Variants in NUCB2 observed in about 807,000 individuals in gnomAD.
NUCB2 encodes nucleobindin 2, also known as nucleobindin-2.
Under a neutral mutation model 57.9 loss-of-function variants are expected in NUCB2, and 48 were observed. The ratio of observed to expected loss-of-function variants is 0.83; its 90% CI spans 0.66 to 1.05. The LOEUF is 1.05. Ranked by LOEUF, NUCB2 falls within the 50% of genes least tolerant of loss-of-function variation. The pLI is 0.00. For synonymous variants in NUCB2, 139 were observed against 152.1 expected (o/e 0.91, Z 0.64); for missense variants, 442 against 476.2 (o/e 0.93, Z 0.67).
chr11:17,308,632 G>A (rs917002163), intron 5 of NUCB2, among the ~76,000 whole-genome samples: 1 of 152,120 alleles, frequency 6.6e-6, no homozygotes, highest in Non-Finnish European at 1.5e-5. Context: ...TGTCTTGTAT[G>A]TATATCCACT....
intron 13 of NUCB2, 78 bp from the exon 14 acceptor site, chr11:17,331,334 G>A (rs1457279485): frequency 1.3e-6 from 1 of 767,340 alleles, no homozygotes; most frequent in Non-Finnish European, 2.0e-6. Context: ...TTTAAAACAA[G>A]TATATTTGTA....
intron 2 of NUCB2, among the ~76,000 whole-genome samples, chr11:17,346,601 T>C (rs1358315683): frequency 6.6e-6 from 1 of 152,240 alleles, no homozygotes; most frequent in Non-Finnish European, 1.5e-5. Flanking sequence ...GATGTTGGTA[T>C]AGTGGAAAGT....
At chr11:17,304,430 G>A (rs1947288999) in intron 5 of NUCB2, among the ~76,000 whole-genome samples, 1 of 152,114 alleles carries the variant, frequency 6.6e-6, no homozygotes, top group Non-Finnish European at 1.5e-5. Context: ...CTGACCTCAG[G>A]TGATCCACCT....
At chr11:17,313,630 A>G (rs1214244529) in intron 10 of NUCB2, among the ~76,000 whole-genome samples, 2 of 151,992 alleles carry the variant, frequency 1.3e-5, no homozygotes, top group African/African-American at 2.4e-5. Flanking sequence ...GGAGTTGTCT[A>G]TTCTTCCTCT....
At chr11:17,295,112 T>A (rs1002122555) in intron 2 of NUCB2, among the ~76,000 whole-genome samples, 1 of 152,178 alleles carries the variant, frequency 6.6e-6, no homozygotes, top group South Asian at 2.1e-4. Context: ...TAATTTTGGC[T>A]ACAAAAACAT....
intron 11 of NUCB2, among the ~76,000 whole-genome samples, chr11:17,322,584 A>T (rs1040676035): frequency 2.1e-4 from 32 of 152,096 alleles, no homozygotes; most frequent in Non-Finnish European, 8.8e-5. Context: ...GTAGTTTCAC[A>T]TACATTTTAG....
chr11:17,331,282 A>T lies in NUCB2; in HGVS notation c.1256-130A>T, dbSNP rs935475926. 5.8e-6 allele frequency: 3 copies of T among 516,744 alleles called. No homozygotes were observed. In the African/African-American group the frequency reaches 6.0e-5, roughly 10 times the overall value. The allele number at this position is 516,744 out of a possible 1,614,324, so 32.0% of individuals were successfully genotyped here. On this transcript the variant is annotated intron_variant, in intron 13 of 13. Coordinates refer to ENST00000529010, the MANE Select transcript of NUCB2 (RefSeq NM_005013.4). ...AATTATATTAATCTTACCAGAGAAT[A>T]TGTTTTTTAAAATTGTGATCTATGA...
intron 11 of NUCB2, among the ~76,000 whole-genome samples, chr11:17,329,239 C>T (rs1039959001): frequency 3.9e-5 from 6 of 152,230 alleles, no homozygotes; most frequent in African/African-American, 1.2e-4. Flanking sequence ...ACAAGCTGCA[C>T]TGCCTGAGGT....
At chr11:17,291,376 G>A (rs535558328) in intron 2 of NUCB2, 88 of 176,660 alleles carry the variant, frequency 5.0e-4, no homozygotes, top group East Asian at 5.5e-4. Flanking sequence ...GTAAAATCCT[G>A]TCTCTACTAA....
intron 2 of NUCB2, among the ~76,000 whole-genome samples, chr11:17,340,257 T>C (rs577343990): frequency 5.0e-4 from 76 of 152,354 alleles, no homozygotes; most frequent in Admixed American, 1.2e-3. Context: ...TAGCCCTTTG[T>C]CAGATGAGTA....
intron 4 of NUCB2, among the ~76,000 whole-genome samples, chr11:17,299,854 T>C (rs554156279): frequency 5.5e-4 from 84 of 152,140 alleles, no homozygotes; most frequent in African/African-American, 1.9e-3. Context: ...CAGTGAGCCA[T>C]GATCATGCTA....
Position 17,301,762 on chromosome 11 carries a change from G to C in NUCB2, c.271G>C (p.Glu91Gln), listed in dbSNP as rs767768972. The C allele has an allele frequency of 8.1e-6, 13 of 1,609,140 alleles. No individual in the cohort carries two copies. Among genetic ancestry groups the C allele is most frequent in the Non-Finnish European group, 1.0e-5 (12 of 1,175,614 alleles). The change falls in exon 5 of 14, where the codon GAA (glutamate) becomes CAA (glutamine). Residue 91 changes from glutamate to glutamine, a missense_variant. Coordinates refer to ENST00000529010, the MANE Select transcript of NUCB2 (RefSeq NM_005013.4). ...TTAACAGAGTGGGAGGCTAAGCAAA[G>C]AACTGGATTTAGTAAGTCACCATGT... Reference protein sequence around the residue: ...EEIKSGRLSKELDLVSHHVRT... With the variant: ...EEIKSGRLSKQLDLVSHHVRT...
At chr11:17,301,440 C>T (rs1946730972) in intron 4 of NUCB2, among the ~76,000 whole-genome samples, 1 of 151,000 alleles carries the variant, frequency 6.6e-6, no homozygotes, top group South Asian at 2.1e-4. Flanking sequence ...TCACCATGCC[C>T]AGCTAATTTT....
intron 2 of NUCB2, among the ~76,000 whole-genome samples, chr11:17,339,103 T>A (rs1290148317): frequency 6.6e-6 from 1 of 152,172 alleles, no homozygotes; most frequent in Non-Finnish European, 1.5e-5. Context: ...TTCTCCTGCC[T>A]CAGTCTCCTG....
chr11:17,311,216 G>A lies in NUCB2; in HGVS notation c.693G>A (p.Glu231=), dbSNP rs1274051444. 1 of 1,605,668 alleles carries A rather than the reference G, an allele frequency of 6.2e-7. No individual in the cohort carries two copies. Among genetic ancestry groups the A allele is most frequent in the Admixed American group, 1.7e-5 (1 of 57,202 alleles). The change falls in exon 8 of 14, where the codon GAG becomes GAA. Residue 231 remains glutamate, a synonymous_variant. Coordinates refer to ENST00000529010, the MANE Select transcript of NUCB2 (RefSeq NM_005013.4). The part of the protein sequence containing the change: ...NHPGSKDQLK[E]VWEETDGLDP... ...AGGGAAGCAAAGATCAACTAAAAGA[G>A]GTATGGGAAGAGACTGATGGATTGG...
intron 11 of NUCB2, among the ~76,000 whole-genome samples, chr11:17,329,232 A>G (rs1368382097): frequency 6.6e-6 from 1 of 152,164 alleles, no homozygotes; most frequent in Non-Finnish European, 1.5e-5. Flanking sequence ...CATAGCCACA[A>G]GCTGCACTGC....
chr11:17,288,552 C>CTTTTTTTTTTTTTTTTTTT (rs1362783048), intron 2 of NUCB2, among the ~76,000 whole-genome samples: 21 of 101,172 alleles, frequency 2.1e-4, no homozygotes, highest in East Asian at 1.2e-3. Context: ...TCTTCTTCTT[C>CTTTTTTTTTTTTTTTTTTT]TTTTTTTTTT....
At chr11:17,338,386 G>A (rs915229279) in intron 2 of NUCB2, among the ~76,000 whole-genome samples, 1 of 152,084 alleles carries the variant, frequency 6.6e-6, no homozygotes, top group East Asian at 1.9e-4. Context: ...CCTTGACAGT[G>A]CACTTCTCTT....
At chr11:17,334,776 C>T (rs1014058048), downstream of NUCB2, among the ~76,000 whole-genome samples, 1 of 151,804 alleles carries the variant, frequency 6.6e-6, no homozygotes, top group Non-Finnish European at 1.5e-5. Context: ...GTCCCAGCTA[C>T]TCAAGAGGCT....
Sources: gnomAD v4.1 joint callset for allele counts (sites outside exome capture counted in the v4.1 genomes callset) on GRCh38, gnomAD v4.1.1 for gene constraint, MANE v1.5 for transcripts, NCBI Gene and HGNC (gene_info 2026-07-23, HGNC 2026-07-21) for gene names.